The following MYH11 variants were observed in gnomAD, a reference collection of about 807,000 sequenced individuals.
The protein encoded by MYH11 is myosin heavy chain 11.
A neutral mutation model predicts 246.6 loss-of-function variants in MYH11; 80 were observed. That is an observed-to-expected ratio of 0.32 (90% CI 0.27 to 0.39). The LOEUF (loss-of-function observed/expected upper bound fraction) is 0.39, where lower values mean the gene tolerates loss of function less well. Among genes scored for constraint, MYH11 ranks in the 10% least tolerant of loss-of-function variants. The pLI, the probability that MYH11 is intolerant of heterozygous loss-of-function variation, is 1.00. For missense variants in MYH11, 2,158 were observed against 2,546.8 expected (o/e 0.85, Z 3.29); for synonymous variants, 1,071 against 1,015.5 (o/e 1.05, Z -1.04).
chr16:15,773,243 T>C (rs976915337), intron 8 of MYH11, among the ~76,000 whole-genome samples: 1 of 151,228 alleles, frequency 6.6e-6, no homozygotes, highest in Non-Finnish European at 1.5e-5. Flanking sequence ...CCTGCTATGG[T>C]AGGCAAAAAT....
At position 15,717,298 on chromosome 16, in the gene MYH11, C is replaced by T. The variant is rs375743675; in HGVS notation, c.5346G>A (p.Lys1782=). The T allele has an allele frequency of 1.4e-5, 23 of 1,612,838 alleles. 1 individual carries two copies. Among genetic ancestry groups the T allele is most frequent in the East Asian group, 4.5e-5 (2 of 44,890 alleles). ...CGAGCTGCTGCCGGGCACTCTCATT[C>T]TTCTGGGCCGTGCTGCGCTCTGTGG... The part of the protein sequence containing the change: ...ELATERSTAQ[K]NESARQQLER... Residue 1782 remains lysine, a synonymous_variant, in exon 38 of 41, where the codon AAG becomes AAA. Transcript: ENST00000300036.
At chr16:15,823,660 TG>T (rs1303992313) in intron 2 of MYH11, among the ~76,000 whole-genome samples, 1 of 152,126 alleles carries the variant, frequency 6.6e-6, no homozygotes, top group Non-Finnish European at 1.5e-5. Flanking sequence ...GGTCTCACTC[TG>T]TCACCTAGGC....
At chr16:15,760,418 A>T (rs2041842107) in intron 11 of MYH11, 122 bp downstream of exon 11, 2 of 825,250 alleles carry the variant, frequency 2.4e-6, no homozygotes, top group Admixed American at 3.4e-5. Flanking sequence ...GGATGGACAG[A>T]TGCAGAGGCA....
At position 15,844,354 on chromosome 16, in the gene MYH11, C is replaced by T. The variant is rs571159494; in HGVS notation, c.-17-6085G>A. On this transcript the variant is annotated intron_variant, in intron 1 of 40. Coordinates refer to ENST00000300036, the MANE Select transcript of MYH11 (RefSeq NM_002474.3). ...CTAGGATTACAGGTGCATGCCACCA[C>T]GCCTGGCTGATTTTTGTATTTTTAG... Among the ~76,000 whole-genome samples, 104 of 152,264 alleles carry T rather than the reference C, an allele frequency of 6.8e-4. 1 individual carries two copies. The South Asian group carries it at 0.017, about 25-fold the overall frequency.
chr16:15,709,279 A>G (rs935561727), intron 40 of MYH11, among the ~76,000 whole-genome samples: 1 of 151,712 alleles, frequency 6.6e-6, no homozygotes, highest in Non-Finnish European at 1.5e-5. Flanking sequence ...CGTTGCAGTG[A>G]ATCACCTGAC....
chr16:15,840,148 G>A (rs998482772), intron 1 of MYH11, among the ~76,000 whole-genome samples: 2 of 152,126 alleles, frequency 1.3e-5, no homozygotes, highest in Non-Finnish European at 2.9e-5. Context: ...ACCACCTTTC[G>A]GGGTGATAAA....
chr16:15,734,556 CT>C (rs746057515), intron 26 of MYH11, among the ~76,000 whole-genome samples: 21 of 152,312 alleles, frequency 1.4e-4, no homozygotes, highest in Admixed American at 3.9e-4. Flanking sequence ...TGTCTTTGGC[CT>C]CCCAAAGTGC....
intron 9 of MYH11, among the ~76,000 whole-genome samples, chr16:15,765,731 T>C (rs148378485): frequency 6.6e-6 from 1 of 152,234 alleles, no homozygotes; most frequent in African/African-American, 2.4e-5. Context: ...CACCCATCCA[T>C]TTGCTCCCAC....
At chr16:15,709,291 C>T (rs893925450) in intron 40 of MYH11, among the ~76,000 whole-genome samples, 3 of 151,530 alleles carry the variant, frequency 2.0e-5, no homozygotes, top group Admixed American at 6.6e-5. Flanking sequence ...TCACCTGACG[C>T]CAAGAGCATT....
intron 7 of MYH11, among the ~76,000 whole-genome samples, chr16:15,777,561 T>C (rs2042254040): frequency 6.6e-6 from 1 of 151,904 alleles, no homozygotes; most frequent in Non-Finnish European, 1.5e-5. Flanking sequence ...ACACAGGAAA[T>C]GAATTGCTGA....
rs761273646 is a variant in MYH11, at chr16:15,724,218, C to T, written c.4308G>A (p.Leu1436=). The T allele has an allele frequency of 3.7e-6, 6 of 1,614,122 alleles. No individual in the cohort carries two copies. The highest frequency in any genetic ancestry group is 5.1e-6 in the Non-Finnish European group (6 of 1,180,042). Residue 1436 remains leucine (L), a synonymous_variant, in exon 31 of 41, where the codon TTG becomes TTA. Transcript: ENST00000300036. ...TGGACACGAGTTGCCGCTGGTTGTC[C>T]AAATCAACAACCAGGTCGTCCAGCT... ...QQELDDLVVD[L]DNQRQLVSNL...
chr16:15,802,170 A>G, intron 3 of MYH11, among the ~76,000 whole-genome samples: 1 of 151,274 alleles, frequency 6.6e-6, no homozygotes, highest in East Asian at 1.9e-4. Flanking sequence ...CCACAAAGCT[A>G]AAAAAAGACA....
chr16:15,787,559 T>G (rs578208605), intron 4 of MYH11, among the ~76,000 whole-genome samples: 1 of 144,810 alleles, frequency 6.9e-6, no homozygotes, highest in African/African-American at 2.5e-5. Context: ...TTCAGCTCAC[T>G]GCAAGCTCCA....
chr16:15,850,465 A>G (rs1416528083), intron 1 of MYH11, among the ~76,000 whole-genome samples: 2 of 152,186 alleles, frequency 1.3e-5, no homozygotes, highest in African/African-American at 2.4e-5. Context: ...CACCTGGTCA[A>G]CAGCTTCCCT....
chr16:15,763,741 T>TCGGGCGCCCCCCCCCCCCC, intron 10 of MYH11, 55 bp downstream of exon 10: 1 of 646,862 alleles, frequency 1.5e-6, no homozygotes, highest in Non-Finnish European at 2.9e-6. Context: ...AAATGTCACC[T>TCGGGCGCCCCCCCCCCCCC]CCCCCACCCC....
chr16:15,716,522 T>TTG (rs959063999), intron 38 of MYH11, among the ~76,000 whole-genome samples: 40 of 151,962 alleles, frequency 2.6e-4, no homozygotes, highest in Non-Finnish European at 4.9e-4. Flanking sequence ...GGGGTTTTTT[T>TTG]TGTGTGTGTG....
chr16:15,727,960 G>A (rs933861527), intron 27 of MYH11, among the ~76,000 whole-genome samples: 1 of 152,130 alleles, frequency 6.6e-6, no homozygotes, highest in Non-Finnish European at 1.5e-5. Context: ...AACAAAGTGA[G>A]ACCCTGTTTC....
intron 3 of MYH11, among the ~76,000 whole-genome samples, chr16:15,811,788 G>C (rs559771123): frequency 1.9e-4 from 29 of 152,128 alleles, no homozygotes; most frequent in Non-Finnish European, 3.8e-4. Flanking sequence ...TTAGCCAAGA[G>C]CCCCAAGCTG....
In MYH11 at chr16:15,738,585, G is replaced by A; in HGVS notation, c.3101C>T (p.Ser1034Phe). ...NLTKLKNKHE[S>F]MISELEVRLK... is the part of the protein sequence containing the mutation. Reference sequence around the variant, plus strand: ...TTTACCTTCCAGTTCTGAAATCATAGATTCATGCTTGTTTTTCAGCTTGGT... The same window carrying A: ...TTTACCTTCCAGTTCTGAAATCATAAATTCATGCTTGTTTTTCAGCTTGGT... Residue 1034 changes from serine to phenylalanine, a missense_variant, in exon 24 of 41, where the codon TCT becomes TTT. Ser to Phe is a radical substitution (Grantham distance 155, BLOSUM62 -2). Around this residue, in one of 11 missense-constraint regions of MYH11, gnomAD observed 284 missense variants for 315.4 expected, o/e 0.90. Coordinates refer to ENST00000300036, the MANE Select transcript of MYH11 (RefSeq NM_002474.3). The A allele has an allele frequency of 6.2e-7, 1 of 1,613,668 alleles. No individual in the cohort carries two copies. Among genetic ancestry groups the A allele is most frequent in the Non-Finnish European group, 8.5e-7 (1 of 1,179,880 alleles).
Sources: allele counts gnomAD v4.1 joint callset (sites outside exome capture counted in the v4.1 genomes callset), GRCh38; gene constraint gnomAD v4.1.1; regional missense constraint gnomAD v4.1.1; transcripts MANE v1.5; gene names NCBI Gene and HGNC (gene_info 2026-07-23, HGNC 2026-07-21).